Variants in CPEB3 observed in about 807,000 individuals in gnomAD.
CPEB3 encodes the protein cytoplasmic polyadenylation element-binding protein 3.
Under a neutral mutation model 67.2 loss-of-function variants are expected in CPEB3, and 20 were observed. That is an observed-to-expected ratio of 0.30 (90% CI 0.21 to 0.43). CPEB3 has a LOEUF of 0.43. CPEB3 is among the 20% of genes least tolerant of loss of function. CPEB3 has a pLI of 1.00. For synonymous variants in CPEB3, 376 were observed against 393.1 expected (o/e 0.96, Z 0.51); for missense variants, 746 against 968.6 (o/e 0.77, Z 3.05).
chr10:92,203,528 ATT>A (rs1298232679), intron 2 of CPEB3, among the ~76,000 whole-genome samples: 30 of 93,870 alleles, frequency 3.2e-4, no homozygotes, highest in Non-Finnish European at 5.7e-4. Flanking sequence ...ATATATATAT[ATT>A]TTTTTTTTAG....
At chr10:92,259,099 ATTACAG>A (rs1335419029) in intron 1 of CPEB3, among the ~76,000 whole-genome samples, 1 of 151,498 alleles carries the variant, frequency 6.6e-6, no homozygotes, top group Non-Finnish European at 1.5e-5. Flanking sequence ...AGTAGCAGGG[ATTACAG>A]GTACACGCCA....
At chr10:92,257,728 C>CTTTT (rs11418720) in intron 1 of CPEB3, among the ~76,000 whole-genome samples, 1 of 130,750 alleles carries the variant, frequency 7.6e-6, no homozygotes, top group East Asian at 2.1e-4. Context: ...GACCTCAACT[C>CTTTT]TTTTTTTTTT....
Position 92,049,742 on chromosome 10 carries a change from A to G in CPEB3, c.*2470T>C, listed in dbSNP as rs1852222080. ...TGTACAATCTTCCAGCTTTTAAAAAAATCTCAGTGTTATTTTAATACATGA... is the reference window on the plus strand; with the variant it reads ...TGTACAATCTTCCAGCTTTTAAAAAGATCTCAGTGTTATTTTAATACATGA... On this transcript the variant is annotated 3_prime_UTR_variant, in exon 10 of 10. Coordinates refer to ENST00000265997, the MANE Select transcript of CPEB3 (RefSeq NM_014912.5). 1 of 152,706 alleles carries G rather than the reference A, an allele frequency of 6.5e-6. No homozygotes were observed. The highest frequency in any genetic ancestry group is 2.1e-4 in the South Asian group (1 of 4,816). The allele number at this position is 152,706 out of a possible 1,614,324, so 9.5% of individuals were successfully genotyped here.
Position 92,245,976 on chromosome 10 carries a change from T to G in CPEB3, c.-11-5615A>C, listed in dbSNP as rs897832941. ...TCACTAGAACCTGGGAGGTGGGGGT[T>G]GCAGTGAGCCAAGACCGCACCATTG... On this transcript the variant is annotated intron_variant, in intron 1 of 9. Coordinates refer to ENST00000265997, the MANE Select transcript of CPEB3 (RefSeq NM_014912.5). 4.6e-5 allele frequency among the ~76,000 whole-genome samples: 7 copies of G among 151,630 alleles called. No homozygotes were observed. The South Asian group carries it at 1.5e-3, about 32-fold the overall frequency.
At chr10:92,189,639 TG>T (rs1848862268) in intron 3 of CPEB3, among the ~76,000 whole-genome samples, 1 of 151,604 alleles carries the variant, frequency 6.6e-6, no homozygotes, top group Non-Finnish European at 1.5e-5. Flanking sequence ...ATAAAATATC[TG>T]GAAGGATGTT....
chr10:92,169,329 G>C (rs144736971), intron 4 of CPEB3, among the ~76,000 whole-genome samples: 1 of 152,056 alleles, frequency 6.6e-6, no homozygotes, highest in African/African-American at 2.4e-5. Context: ...AGTAAAGACA[G>C]GGTTTCGTCA....
intron 2 of CPEB3, among the ~76,000 whole-genome samples, chr10:92,234,702 C>T (rs1011323357): frequency 1.3e-5 from 2 of 152,094 alleles, no homozygotes; most frequent in African/African-American, 2.4e-5. Context: ...GGCGAGGTGG[C>T]AGATCACGAG....
chr10:92,239,854 G>A lies in CPEB3; in HGVS notation c.497C>T (p.Pro166Leu), dbSNP rs868047298. 3.9e-6 allele frequency: 6 copies of A among 1,537,166 alleles called. No homozygotes were observed. The highest frequency in any genetic ancestry group is 4.4e-6 in the Non-Finnish European group (5 of 1,143,796). ...CTGCGGCGCGGGCGCAGGCGGCGGC[G>A]GCTGCTGGTGGTGCTGGGTCTGCGC... is the stretch of plus-strand genomic sequence containing the variant. ...GLAQTQHHQQ[P>L]PPPAPAPQPA... The change falls in exon 2 of 10, where the codon CCG becomes CTG. Residue 166 changes from proline (P) to leucine (L), a missense_variant. Pro to Leu is a moderately conservative substitution (Grantham distance 98). Transcript: ENST00000265997. The surrounding 1 kb of genome is among the most constrained non-coding windows in gnomAD (Gnocchi z 6.0).
intron 7 of CPEB3, among the ~76,000 whole-genome samples, chr10:92,095,467 C>T (rs1241810056): frequency 1.3e-5 from 2 of 151,904 alleles, no homozygotes; most frequent in African/African-American, 2.4e-5. Context: ...TGGTTTCTCT[C>T]TTAAATCTAA....
intron 9 of CPEB3, among the ~76,000 whole-genome samples, chr10:92,075,871 T>C (rs1403508824): frequency 6.6e-6 from 1 of 152,230 alleles, no homozygotes; most frequent in Non-Finnish European, 1.5e-5. Flanking sequence ...ATATCTTTTT[T>C]GGAAAAAGTT....
intron 6 of CPEB3, among the ~76,000 whole-genome samples, chr10:92,132,163 C>T (rs1379736727): frequency 6.6e-6 from 1 of 152,140 alleles, no homozygotes; most frequent in Non-Finnish European, 1.5e-5. Context: ...TGCTCATTAG[C>T]TACATACTGC....
chr10:92,283,917 G>A lies in CPEB3; in HGVS notation c.-12+7009C>T, dbSNP rs562892175. On this transcript the variant is annotated intron_variant, in intron 1 of 9. Coordinates refer to ENST00000265997, the MANE Select transcript of CPEB3 (RefSeq NM_014912.5). ...ATTTTTTTGTATTTTTAGTAGAGACGGGGTTTCACCATGTTGTCCAGGGTG... is the reference window on the plus strand; with the variant it reads ...ATTTTTTTGTATTTTTAGTAGAGACAGGGTTTCACCATGTTGTCCAGGGTG... 5.3e-5 allele frequency among the ~76,000 whole-genome samples: 8 copies of A among 150,498 alleles called. No homozygotes were observed. In the South Asian group the frequency reaches 6.3e-4, roughly 12 times the overall value.
At chr10:92,129,821 C>G (rs967095600) in intron 6 of CPEB3, among the ~76,000 whole-genome samples, 1 of 152,090 alleles carries the variant, frequency 6.6e-6, no homozygotes, top group Non-Finnish European at 1.5e-5. Context: ...GTGAGAGCAT[C>G]GCTTGAGCCC....
chr10:92,192,747 C>T, intron 2 of CPEB3, 111 bp from the exon 3 acceptor site: 1 of 696,950 alleles, frequency 1.4e-6, no homozygotes, highest in Non-Finnish European at 2.3e-6. Flanking sequence ...TTACAGAGAG[C>T]CCCAACAGCA....
intron 9 of CPEB3, among the ~76,000 whole-genome samples, chr10:92,056,279 C>T (rs1590042812): frequency 2.0e-5 from 3 of 152,174 alleles, no homozygotes; most frequent in African/African-American, 7.2e-5. Flanking sequence ...CAAACAGCAA[C>T]AGTCAAACAG....
At chr10:92,104,478 C>T (rs1590145744) in intron 7 of CPEB3, among the ~76,000 whole-genome samples, 1 of 151,568 alleles carries the variant, frequency 6.6e-6, no homozygotes, top group East Asian at 1.9e-4. Flanking sequence ...GCCCCACCTC[C>T]CAGGTTCACA....
chr10:92,192,408 C>A, intron 3 of CPEB3, 69 bp downstream of exon 3: 5 of 1,432,614 alleles, frequency 3.5e-6, no homozygotes, highest in South Asian at 2.8e-5. Flanking sequence ...CCAGAAAAAT[C>A]AAAATTATTA....
chr10:92,243,327 T>C (rs190991064), intron 1 of CPEB3: 2 of 152,292 alleles, frequency 1.3e-5, no homozygotes, highest in African/African-American at 2.4e-5. Context: ...GCTGAAGTCC[T>C]TCACAAGGTA....
At chr10:92,172,736 T>C (rs1327921727) in intron 4 of CPEB3, among the ~76,000 whole-genome samples, 1 of 152,168 alleles carries the variant, frequency 6.6e-6, no homozygotes, top group Admixed American at 6.5e-5. Flanking sequence ...TACTCTATCA[T>C]ATGGCCATGT....
Sources: allele counts gnomAD v4.1 joint callset (sites outside exome capture counted in the v4.1 genomes callset), GRCh38; gene constraint gnomAD v4.1.1; non-coding constraint Gnocchi (gnomAD v3.1); transcripts MANE v1.5; gene names NCBI Gene and HGNC (gene_info 2026-07-23, HGNC 2026-07-21).